Variants in CDK11A observed in about 807,000 individuals in gnomAD.
CDK11A encodes cyclin dependent kinase 11A, also known as cyclin-dependent kinase 11A.
In CDK11A, 55 loss-of-function variants were observed where a neutral mutation model predicts 83.6. That is an observed-to-expected ratio of 0.66 (90% CI 0.53 to 0.82). The LOEUF (loss-of-function observed/expected upper bound fraction) is 0.82. Ranked by LOEUF, CDK11A falls within the 40% of genes least tolerant of loss-of-function variation. The probability of loss-of-function intolerance (pLI) is 0.00; values close to 1 mark genes in which losing one functional copy is unlikely to be tolerated. For synonymous variants in CDK11A, 247 were observed against 302.7 expected, an observed-to-expected ratio of 0.82 and a Z score of 1.91; for missense variants, 564 against 810.1, an observed-to-expected ratio of 0.70 and a Z score of 3.69.
intron 3 of CDK11A, 53 bp downstream of exon 3, chr1:1,721,543 G>C (rs1217370279): frequency 1.2e-5 from 19 of 1,571,210 alleles, no homozygotes; most frequent in Non-Finnish European, 1.7e-6. Context: ...GGAAGGACTG[G>C]CCAGGCCAGG....
intron 4 of CDK11A, among the ~76,000 whole-genome samples, chr1:1,717,647 C>T (rs76116113): frequency 6.3e-5 from 3 of 47,938 alleles, no homozygotes; most frequent in Admixed American, 2.9e-4. Context: ...CGGTCTGTGA[C>T]ACACGCATGC....
chr1:1,721,799 G>A (rs1644916507), intron 2 of CDK11A, 88 bp from the exon 3 acceptor site: 2 of 1,407,496 alleles, frequency 1.4e-6, no homozygotes. Flanking sequence ...ATCAAACCTG[G>A]GCAACATCCC....
rs200818680 is a variant in CDK11A at position 1,703,958 on chromosome 1, G to C, written c.1795-18C>G. On this transcript the variant is annotated intron_variant, in intron 16 of 19. Transcript: ENST00000404249. ...GAGTATTCCTAAGACGCCAGGAGAG[G>C]TGTTCAGGAAGGCCAGTGCCCGCGA... The C allele has an allele frequency of 2.3e-3, 3,770 of 1,609,272 alleles. 187 individuals are homozygous for C. The highest frequency in any genetic ancestry group is 2.4e-4 in the Non-Finnish European group (278 of 1,176,762).
At position 1,704,154 on chromosome 1, in the gene CDK11A, G is replaced by C. The variant is rs527644457; in HGVS notation, c.1687-8C>G. On this transcript the variant is annotated splice_polypyrimidine_tract_variant and splice_region_variant and intron_variant, in intron 15 of 19. Coordinates refer to ENST00000404249, the MANE Select transcript of CDK11A (RefSeq NM_024011.4). Reference sequence around the variant, plus strand: ...CAGCCCAAAATCACCCACCTGCAACGACAGATGGGCGGCTGTGGGTGGGCC... The same window carrying C: ...CAGCCCAAAATCACCCACCTGCAACCACAGATGGGCGGCTGTGGGTGGGCC... The C allele has an allele frequency of 1.9e-6, 3 of 1,606,818 alleles. 1 individual carries two copies. Among genetic ancestry groups the C allele is most frequent in the Non-Finnish European group, 2.6e-6 (3 of 1,175,716 alleles).
chr1:1,716,814 CAAAAAAAAAAAAAAAAAAA>C (rs1168780288), intron 4 of CDK11A, among the ~76,000 whole-genome samples: 4 of 76,722 alleles, frequency 5.2e-5, no homozygotes, highest in African/African-American at 1.2e-4. Flanking sequence ...GACTCCATCT[CAAAAAAAAAAAAAAAAAAA>C]AAAAAAAAAA....
rs1136997 is a variant in CDK11A at position 1,704,310 on chromosome 1, C to A, written c.1599G>T (p.Arg533=). The A allele has an allele frequency of 0.51, 813,127 of 1,594,742 alleles. 228,294 individuals carry two copies. Among genetic ancestry groups the A allele is most frequent in the Non-Finnish European group, 0.54 (628,416 of 1,166,728 alleles). ...EVKTLMIQLL[R]GVKHLHDNWI... ...AGTTGTCGTGCAGGTGTTTCACCCC[C>A]CGCAGCAGCTGGATCATCAGGGTCT... The change falls in exon 15 of 20, where the codon CGG becomes CGT. Residue 533 remains arginine, a synonymous_variant. Transcript: ENST00000404249.
At chr1:1,724,164 G>A (rs933048664) in intron 1 of CDK11A, 94 bp downstream of exon 1, 4 of 150,474 alleles carry the variant, frequency 2.7e-5, no homozygotes, top group Admixed American at 2.0e-4. Flanking sequence ...CCCCGGGCCC[G>A]GGTCCGCCCC....
intron 13 of CDK11A, 25 bp from the exon 14 acceptor site, chr1:1,704,680 C>T (rs1644242715): frequency 6.3e-7 from 1 of 1,595,346 alleles, no homozygotes; most frequent in African/African-American, 1.4e-5. Context: ...TCTGTGGGTG[C>T]TGGGCACCTC....
In CDK11A at chr1:1,703,528, G is replaced by A. The variant is rs763695200; in HGVS notation, c.2008C>T (p.Arg670Cys). The change falls in exon 18 of 20, where the codon CGC (arginine) becomes TGC (cysteine). Residue 670 changes from arginine (R) to cysteine (C), a missense_variant. By Grantham distance (180) the Arg-to-Cys change is radical. Transcript: ENST00000404249. ...TFSEHPYNNLRKRFGALLSDQ... is the reference protein window; with the variant it reads ...TFSEHPYNNLCKRFGALLSDQ... ...GAGAGCAGAGCCCCGAAGCGCTTGC[G>A]GAGGTTGTTGTAGGGGTGCTCGCTG... is the stretch of plus-strand genomic sequence containing the variant. 3.3e-5 allele frequency: 52 copies of A among 1,561,904 alleles called. 3 individuals are homozygous for A. The highest frequency in any genetic ancestry group is 1.7e-4 in the Middle Eastern group (1 of 5,854).
intron 11 of CDK11A, among the ~76,000 whole-genome samples, chr1:1,706,228 A>G (rs922080809): frequency 1.3e-5 from 2 of 150,020 alleles, no homozygotes; most frequent in African/African-American, 4.9e-5. Flanking sequence ...ACGCACCACC[A>G]CGCCAGGCTA....
At chr1:1,706,660 T>G (rs1167003545) in intron 11 of CDK11A, among the ~76,000 whole-genome samples, 1 of 151,396 alleles carries the variant, frequency 6.6e-6, no homozygotes, top group Non-Finnish European at 1.5e-5. Flanking sequence ...TGATGCCCCA[T>G]GCCAGGGCAC....
intron 5 of CDK11A, among the ~76,000 whole-genome samples, chr1:1,715,405 C>T (rs1257384132): frequency 1.4e-5 from 2 of 146,628 alleles, no homozygotes; most frequent in Non-Finnish European, 3.0e-5. Flanking sequence ...GCCCAAATTT[C>T]ATCTACCAAC....
rs556417493 is a variant in CDK11A at position 1,708,342 on chromosome 1, C to G, written c.1004-97G>C. 3.6e-5 allele frequency: 53 copies of G among 1,458,572 alleles called. 5 individuals are homozygous for G. The South Asian group carries it at 7.0e-4, about 19-fold the overall frequency. The allele number at this position is 1,458,572 out of a possible 1,614,324, so 90.4% of individuals were successfully genotyped here. ...CGCTTCAGCTAAGCAACAAGTGTTC[C>G]CAAGAATGGATATGGAGGCTGGGCG... On this transcript the variant is annotated intron_variant, in intron 9 of 19. Transcript: ENST00000404249.
chr1:1,707,011 C>T lies in CDK11A; in HGVS notation c.1245+398G>A, dbSNP rs1429613021. ...ATCTACACTGACTCCCGTAGCCGCTCCCCCATCCAAGCCCTGCACAGATGC... is the reference window on the plus strand; with the variant it reads ...ATCTACACTGACTCCCGTAGCCGCTTCCCCATCCAAGCCCTGCACAGATGC... On this transcript the variant is annotated intron_variant, in intron 11 of 19. Transcript: ENST00000404249. 7.7e-5 allele frequency among the ~76,000 whole-genome samples: 11 copies of T among 143,222 alleles called. 2 individuals carry two copies. The highest frequency in any genetic ancestry group is 2.0e-4 in the Admixed American group (3 of 14,774). 94.0% of individuals were successfully genotyped at this position (143,222 alleles called of 152,430 possible). A position where few individuals can be genotyped will look rare whatever the true frequency, so the allele number is the denominator to read the frequency against.
At chr1:1,712,060 G>A (rs1644496013) in intron 6 of CDK11A, among the ~76,000 whole-genome samples, 1 of 118,900 alleles carries the variant, frequency 8.4e-6, no homozygotes, top group African/African-American at 2.8e-5. Flanking sequence ...AACCCGGGGG[G>A]CAGAGGGTGC....
intron 5 of CDK11A, 71 bp downstream of exon 5, chr1:1,716,275 T>A (rs1396983878): frequency 2.0e-6 from 3 of 1,532,424 alleles, no homozygotes; most frequent in Non-Finnish European, 2.7e-6. Context: ...GCCAAATTCT[T>A]CTTCATTGCT....
chr1:1,721,497 T>C, intron 3 of CDK11A, 99 bp downstream of exon 3: 4 of 1,361,228 alleles, frequency 2.9e-6, no homozygotes, highest in Non-Finnish European at 4.1e-6. Context: ...TAAACCTTAA[T>C]AGTTACAATA....
At position 1,703,896 on chromosome 1, in the gene CDK11A, G is replaced by A. The variant is rs201004006; in HGVS notation, c.1839C>T (p.Phe613=). The change falls in exon 17 of 20, where the codon TTC becomes TTT. Residue 613 remains phenylalanine (F), a synonymous_variant. Transcript: ENST00000404249. ...GAGGCTTCTGAGTCAGCAGCTCCCC[G>A]AAGATGCAGCCCACTGACCACATGT... is the stretch of plus-strand genomic sequence containing the variant. ...AVDMWSVGCI[F]GELLTQKPLF... The A allele has an allele frequency of 3.7e-6, 6 of 1,609,754 alleles. No individual in the cohort carries two copies. Among genetic ancestry groups the A allele is most frequent in the East Asian group, 2.2e-5 (1 of 44,804 alleles).
At chr1:1,719,544 T>G (rs1644819932) in intron 3 of CDK11A, 89 bp from the exon 4 acceptor site, 1 of 1,098,882 alleles carries the variant, frequency 9.1e-7, no homozygotes, top group African/African-American at 1.6e-5. Flanking sequence ...CCCAGAAAAA[T>G]GCATGATTCA....
Sources: allele counts gnomAD v4.1 joint callset (sites outside exome capture counted in the v4.1 genomes callset), GRCh38; gene constraint gnomAD v4.1.1; transcripts MANE v1.5; gene names NCBI Gene and HGNC (gene_info 2026-07-23, HGNC 2026-07-21).